Variants in PPP1R18 observed in about 807,000 individuals in gnomAD.
PPP1R18 encodes phostensin.
In PPP1R18, 31 loss-of-function variants were observed where a neutral mutation model predicts 54.8. That is an observed-to-expected ratio of 0.57 (90% CI 0.43 to 0.76). PPP1R18 has a LOEUF of 0.76. Among genes scored for constraint, PPP1R18 ranks in the 30% least tolerant of loss-of-function variants. PPP1R18 has a pLI of 0.00. For synonymous variants in PPP1R18, 310 were observed against 320.2 expected (o/e 0.97, Z 0.34); for missense variants, 685 against 776.1 (o/e 0.88, Z 1.39).
Position 30,684,577 on chromosome 6 carries a change from G to T in PPP1R18, c.1442C>A (p.Pro481His). ...TFTVNPRRSVPPATPATPTSP... is the reference protein window; with the variant it reads ...TFTVNPRRSVHPATPATPTSP... ...GGTTGGGGTGGCTGGGGTCGCAGGG[G>T]GCACAGACCGCCGGGGGTTGACGGT... is the stretch of plus-strand genomic sequence containing the variant. The change falls in exon 1 of 3, where the codon CCC (proline) becomes CAC (histidine). Residue 481 changes from proline (P) to histidine (H), a missense_variant. Coordinates refer to ENST00000274853, the MANE Select transcript of PPP1R18 (RefSeq NM_133471.4). This position sits in a 1 kb window ranked among gnomAD's most constrained non-coding sequence, Gnocchi z 6.0. The T allele has an allele frequency of 6.2e-7, 1 of 1,606,640 alleles. No individual in the cohort carries two copies. The highest frequency in any genetic ancestry group is 8.5e-7 in the Non-Finnish European group (1 of 1,176,766).
In PPP1R18 at chr6:30,679,311, C is replaced by T; in HGVS notation, c.1690G>A (p.Gly564Ser). The T allele has an allele frequency of 6.5e-7, 1 of 1,545,160 alleles. No individual in the cohort carries two copies. The highest frequency in any genetic ancestry group is 8.7e-7 in the Non-Finnish European group (1 of 1,145,018). The part of the protein sequence containing the change: ...PSESSVLEEL[G>S]PEPEVPSAPN... ...GCACTGGGGACCTCAGGCTCCGGGCCCAGCTCCTCCAGTACCGAACTCTCG... is the reference window on the plus strand; with the variant it reads ...GCACTGGGGACCTCAGGCTCCGGGCTCAGCTCCTCCAGTACCGAACTCTCG... Residue 564 changes from glycine to serine, a missense_variant, in exon 2 of 3, where the codon GGC becomes AGC. Coordinates refer to ENST00000274853, the MANE Select transcript of PPP1R18 (RefSeq NM_133471.4).
At chr6:30,679,585 T>C (rs1770421832) in intron 1 of PPP1R18, among the ~76,000 whole-genome samples, 196 bp from the exon 2 acceptor site, 1 of 152,046 alleles carries the variant, frequency 6.6e-6, no homozygotes, top group Non-Finnish European at 1.5e-5. Flanking sequence ...AGTTTTCCTT[T>C]CCATACTGGC....
At chr6:30,687,634 TCTC>T (rs1346290864), upstream of PPP1R18, 1 of 152,398 alleles carries the variant, frequency 6.6e-6, no homozygotes, top group Non-Finnish European at 1.5e-5. The surrounding 1 kb of genome is among the most constrained non-coding windows in gnomAD (Gnocchi z 7.9). Context: ...GCTTTTGCCT[TCTC>T]ATCTGGGTCT....
chr6:30,685,970 GCC>G lies in PPP1R18; in HGVS notation c.47_48del (p.Arg16ProfsTer43). On this transcript the variant is annotated frameshift_variant, in exon 1 of 3. Transcript: ENST00000274853. LOFTEE classifies it high-confidence loss of function. The surrounding 1 kb of genome is among the most constrained non-coding windows in gnomAD (Gnocchi z 5.0). ...CGGCCTCGAACGGACGCCTCCTCCT[GCC>G]GGCGCCGGGCTAGCAGCTGTAGCTT... ...DWKLQLLARR[R>X]QEEASVRGRE... 6.3e-7 allele frequency: 1 copy of G among 1,597,470 alleles called. No homozygotes were observed.
At chr6:30,680,626 C>G (rs1487715144) in intron 1 of PPP1R18, among the ~76,000 whole-genome samples, 2 of 150,882 alleles carry the variant, frequency 1.3e-5, no homozygotes, top group Middle Eastern at 6.9e-3. Context: ...CCCAGGAGTT[C>G]GAGACCAGCC....
intron 1 of PPP1R18, among the ~76,000 whole-genome samples, chr6:30,681,895 C>T (rs189909917): frequency 2.0e-5 from 3 of 152,276 alleles, no homozygotes; most frequent in African/African-American, 7.2e-5. Context: ...GCGGGTGGTC[C>T]AGCCTGTACA....
chr6:30,677,195 T>C lies in PPP1R18; in HGVS notation c.*74A>G, dbSNP rs1210982517. 4.4e-6 allele frequency: 6 copies of C among 1,372,936 alleles called. No homozygotes were observed. The African/African-American group carries it at 7.1e-5, about 16-fold the overall frequency. 85.0% of individuals were successfully genotyped at this position (1,372,936 alleles called of 1,614,324 possible). ...GCCAGGCTCATTATCAGGGTCTGTCTGCCCTGAATCTTCCGGGCTCCAGGA... is the reference window on the plus strand; with the variant it reads ...GCCAGGCTCATTATCAGGGTCTGTCCGCCCTGAATCTTCCGGGCTCCAGGA... On this transcript the variant is annotated 3_prime_UTR_variant, in exon 3 of 3. Coordinates refer to ENST00000274853, the MANE Select transcript of PPP1R18 (RefSeq NM_133471.4).
rs527258553 is a variant in PPP1R18 at position 30,683,386 on chromosome 6, A to G, written c.1611+1022T>C. 1.2e-4 allele frequency among the ~76,000 whole-genome samples: 18 copies of G among 152,254 alleles called. No individual in the cohort carries two copies. In the South Asian group the frequency reaches 1.2e-3, roughly 11 times the overall value. The stretch of plus-strand genomic sequence containing the variant: ...AGGGGGAGTCATCCTGGCTGCCCCC[A>G]CTTTCCTGCAGGTCTTTGTTGCAAG... On this transcript the variant is annotated intron_variant, in intron 1 of 2. Coordinates refer to ENST00000274853, the MANE Select transcript of PPP1R18 (RefSeq NM_133471.4). The surrounding 1 kb of genome is among the most constrained non-coding windows in gnomAD (Gnocchi z 5.1).
At position 30,685,570 on chromosome 6, in the gene PPP1R18, C is replaced by T. The variant is rs1453924592; in HGVS notation, c.449G>A (p.Arg150Lys). Residue 150 changes from arginine (R) to lysine (K), a missense_variant, in exon 1 of 3, where the codon AGA becomes AAA. Arg to Lys is a conservative substitution (Grantham distance 26). Coordinates refer to ENST00000274853, the MANE Select transcript of PPP1R18 (RefSeq NM_133471.4). The surrounding 1 kb of genome is among the most constrained non-coding windows in gnomAD (Gnocchi z 5.0). ...TCCCCCTATCCCCAGCCTCCTCTCT[C>T]TGGTCTCCCTCGGACTTAGTCTCTC... is the stretch of plus-strand genomic sequence containing the variant. ...REERLSPRET[R>K]ERRLGIGGAQ... is the part of the protein sequence containing the mutation. The T allele has an allele frequency of 1.2e-6, 2 of 1,613,030 alleles. No homozygotes were observed. Among genetic ancestry groups the T allele is most frequent in the South Asian group, 2.2e-5 (2 of 91,082 alleles).
Position 30,678,209 on chromosome 6 carries a change from C to G in PPP1R18, c.1823-921G>C, listed in dbSNP as rs76488288. Among the ~76,000 whole-genome samples the G allele has an allele frequency of 2.6e-3, 387 of 150,608 alleles. 7 individuals are homozygous for G. In the East Asian group the frequency reaches 0.046, roughly 18 times the overall value. Reference sequence around the variant, plus strand: ...TACAGGCGTGAGCCACCGTGCCTGGCCTGTTTGTTTCTTTTGAGACAGGTC... The same window carrying G: ...TACAGGCGTGAGCCACCGTGCCTGGGCTGTTTGTTTCTTTTGAGACAGGTC... On this transcript the variant is annotated intron_variant, in intron 2 of 2. Transcript: ENST00000274853.
Position 30,686,132 on chromosome 6 carries a change from G to A in PPP1R18, c.-114C>T. On this transcript the variant is annotated 5_prime_UTR_variant, in exon 1 of 3. Transcript: ENST00000274853. ...GAGGGTGGGAGGAGAGGAAGTGGAG[G>A]GGGAGAGGTGGGACACAAAGCAGGG... The A allele has an allele frequency of 2.8e-6, 3 of 1,083,722 alleles. No homozygotes were observed. The highest frequency in any genetic ancestry group is 4.0e-6 in the Non-Finnish European group (3 of 756,040). 67.1% of individuals were successfully genotyped at this position (1,083,722 alleles called of 1,614,324 possible).
In PPP1R18 at chr6:30,679,205, C is replaced by A; in HGVS notation, c.1796G>T (p.Gly599Val). Residue 599 changes from glycine to valine, a missense_variant, in exon 2 of 3, where the codon GGG becomes GTG. Gly to Val is a moderately radical substitution (Grantham distance 109, BLOSUM62 -3). Coordinates refer to ENST00000274853, the MANE Select transcript of PPP1R18 (RefSeq NM_133471.4). The part of the protein sequence containing the change: ...LLLLQPELQG[G>V]LRTKALIVDE... ...CACAATCAGGGCCTTGGTGCGCAGCCCGCCCTGGAGCTCTGGCTGCAGCAG... is the reference window on the plus strand; with the variant it reads ...CACAATCAGGGCCTTGGTGCGCAGCACGCCCTGGAGCTCTGGCTGCAGCAG... 6.3e-7 allele frequency: 1 copy of A among 1,588,848 alleles called. No homozygotes were observed. Among genetic ancestry groups the A allele is most frequent in the Non-Finnish European group, 8.5e-7 (1 of 1,171,196 alleles).
rs1165411163 is a variant in PPP1R18, at chr6:30,683,647, T to C, written c.1611+761A>G. Among the ~76,000 whole-genome samples, 1 of 149,786 alleles carries C rather than the reference T, an allele frequency of 6.7e-6. No individual in the cohort carries two copies. The highest frequency in any genetic ancestry group is 6.6e-5 in the Admixed American group (1 of 15,048). Reference sequence around the variant, plus strand: ...AGGACAGGGGAGTGAGGGGCGGGGGTATTTTGGAAGAGGAGAAGGCTTTTC... The same window carrying C: ...AGGACAGGGGAGTGAGGGGCGGGGGCATTTTGGAAGAGGAGAAGGCTTTTC... On this transcript the variant is annotated intron_variant, in intron 1 of 2. Coordinates refer to ENST00000274853, the MANE Select transcript of PPP1R18 (RefSeq NM_133471.4). This position sits in a 1 kb window ranked among gnomAD's most constrained non-coding sequence, Gnocchi z 5.1.
Position 30,686,153 on chromosome 6 carries a change from C to CAGGGCAGAGGGGCTAAGGATG in PPP1R18, c.-156_-136dup. ...GGAGGGGGAGAGGTGGGACACAAAGCAGGGCAGAGGGGCTAAGGATGAGGA... is the reference window on the plus strand; with the variant it reads ...GGAGGGGGAGAGGTGGGACACAAAGCAGGGCAGAGGGGCTAAGGATGAGGGCAGAGGGGCTAAGGATGAGGA... On this transcript the variant is annotated 5_prime_UTR_variant, in exon 1 of 3. Coordinates refer to ENST00000274853, the MANE Select transcript of PPP1R18 (RefSeq NM_133471.4). 1 of 876,494 alleles carries CAGGGCAGAGGGGCTAAGGATG rather than the reference C, an allele frequency of 1.1e-6. No individual in the cohort carries two copies. The highest frequency in any genetic ancestry group is 1.8e-6 in the Non-Finnish European group (1 of 570,478). 54.3% of individuals were successfully genotyped at this position (876,494 alleles called of 1,614,324 possible).
intron 1 of PPP1R18, among the ~76,000 whole-genome samples, chr6:30,681,084 C>CAA (rs536726905): frequency 1.2e-4 from 9 of 76,500 alleles, no homozygotes; most frequent in South Asian, 4.1e-4. Context: ...GACTCTGTCT[C>CAA]AAAAAAAAAA....
Position 30,686,241 on chromosome 6 carries a change from C to A in PPP1R18, c.-223G>T. On this transcript the variant is annotated 5_prime_UTR_variant, in exon 1 of 3. Transcript: ENST00000274853. The stretch of plus-strand genomic sequence containing the variant: ...GAAAAAGTGAAGAGAAGTTGTGAGC[C>A]CAAGTTGGGGGTGGTGGGGGTGATG... 1.9e-6 allele frequency: 1 copy of A among 520,118 alleles called. No homozygotes were observed. The highest frequency in any genetic ancestry group is 3.4e-6 in the Non-Finnish European group (1 of 297,742). 32.2% of individuals were successfully genotyped at this position (520,118 alleles called of 1,614,324 possible).
Position 30,684,622 on chromosome 6 carries a change from C to T in PPP1R18, c.1397G>A (p.Arg466His), listed in dbSNP as rs1278714515. Reference protein sequence around the residue: ...VKAGPGVGAPRRSGHTFTVNP... With the variant: ...VKAGPGVGAPHRSGHTFTVNP... ...GACGGTGAAGGTGTGTCCACTGCGG[C>T]GGGGGGCCCCCACCCCTGGCCCTGC... Residue 466 changes from arginine (R) to histidine (H), a missense_variant, in exon 1 of 3, where the codon CGC (arginine) becomes CAC (histidine). Coordinates refer to ENST00000274853, the MANE Select transcript of PPP1R18 (RefSeq NM_133471.4). This position sits in a 1 kb window ranked among gnomAD's most constrained non-coding sequence, Gnocchi z 6.0. 7.9e-6 allele frequency: 12 copies of T among 1,518,022 alleles called. No individual in the cohort carries two copies. The highest frequency in any genetic ancestry group is 2.8e-5 in the African/African-American group (2 of 72,098). 94.0% of individuals were successfully genotyped at this position (1,518,022 alleles called of 1,614,324 possible).
rs548198799 is a variant in PPP1R18 at position 30,683,937 on chromosome 6, A to G, written c.1611+471T>C. Among the ~76,000 whole-genome samples the G allele has an allele frequency of 6.6e-5, 10 of 152,044 alleles. No individual in the cohort carries two copies. Among genetic ancestry groups the G allele is most frequent in the African/African-American group, 1.7e-4 (7 of 41,464 alleles). On this transcript the variant is annotated intron_variant, in intron 1 of 2. Coordinates refer to ENST00000274853, the MANE Select transcript of PPP1R18 (RefSeq NM_133471.4). This position sits in a 1 kb window ranked among gnomAD's most constrained non-coding sequence, Gnocchi z 5.1. ...TCACTTCTCCCTGCAGTTTCTCCCTAGAACACAAACCCACCCCACCCCCTC... is the reference window on the plus strand; with the variant it reads ...TCACTTCTCCCTGCAGTTTCTCCCTGGAACACAAACCCACCCCACCCCCTC...
chr6:30,685,981 G>T lies in PPP1R18; in HGVS notation c.38C>A (p.Ala13Asp), dbSNP rs1478069218. Residue 13 changes from alanine to aspartate, a missense_variant, in exon 1 of 3, where the codon GCC (alanine) becomes GAC (aspartate). Physicochemically the swap from Ala to Asp is moderately radical, Grantham distance 126. Coordinates refer to ENST00000274853, the MANE Select transcript of PPP1R18 (RefSeq NM_133471.4). This position sits in a 1 kb window ranked among gnomAD's most constrained non-coding sequence, Gnocchi z 5.0. ...TIPDWKLQLLARRRQEEASVR... is the reference protein window; with the variant it reads ...TIPDWKLQLLDRRRQEEASVR... ...GGACGCCTCCTCCTGCCGGCGCCGGGCTAGCAGCTGTAGCTTCCAGTCTGG... is the reference window on the plus strand; with the variant it reads ...GGACGCCTCCTCCTGCCGGCGCCGGTCTAGCAGCTGTAGCTTCCAGTCTGG... 6.3e-7 allele frequency: 1 copy of T among 1,592,040 alleles called. No homozygotes were observed. The highest frequency in any genetic ancestry group is 1.1e-5 in the South Asian group (1 of 89,448).
Sources: allele counts gnomAD v4.1 joint callset (sites outside exome capture counted in the v4.1 genomes callset), GRCh38; gene constraint gnomAD v4.1.1; non-coding constraint Gnocchi (gnomAD v3.1); transcripts MANE v1.5; gene names NCBI Gene and HGNC (gene_info 2026-07-23, HGNC 2026-07-21).